The following CACNA2D3 variants were observed in gnomAD, a reference collection of about 807,000 sequenced individuals.
CACNA2D3 encodes the protein calcium voltage-gated channel auxiliary subunit alpha2delta 3.
CACNA2D3 carries 60 observed loss-of-function variants against 160.6 expected under a neutral mutation model. The ratio of observed to expected loss-of-function variants is 0.37; its 90% CI spans 0.30 to 0.46. The LOEUF is 0.46. CACNA2D3 is among the 20% of genes least tolerant of loss of function. The probability of loss-of-function intolerance (pLI) is 1.00; values close to 1 mark genes in which losing one functional copy is unlikely to be tolerated. For synonymous variants in CACNA2D3, 558 were observed against 492.9 expected (o/e 1.13, Z -1.75); for missense variants, 1,205 against 1,365.0 (o/e 0.88, Z 1.85).
At chr3:54,174,624 G>A (rs1369961233) in intron 2 of CACNA2D3, among the ~76,000 whole-genome samples, 4 of 152,024 alleles carry the variant, frequency 2.6e-5, no homozygotes, top group Non-Finnish European at 4.4e-5. Flanking sequence ...TCCCGGGTTC[G>A]CGCCATTCTC....
At chr3:54,456,348 T>C (rs1700396033) in intron 4 of CACNA2D3, among the ~76,000 whole-genome samples, 2 of 152,122 alleles carry the variant, frequency 1.3e-5, no homozygotes, top group South Asian at 4.1e-4. Flanking sequence ...TCTTGATTTC[T>C]TTTTTAGCTA....
intron 35 of CACNA2D3, among the ~76,000 whole-genome samples, chr3:55,051,961 G>A (rs956924143): frequency 3.9e-5 from 6 of 152,078 alleles, no homozygotes; most frequent in African/African-American, 1.4e-4. Context: ...GCCCTGCTTC[G>A]CCTCGTGCAC....
rs564058254 is a variant in CACNA2D3 at position 54,984,679 on chromosome 3, A to C, written c.2619+9A>C. On this transcript the variant is annotated intron_variant, in intron 30 of 37. Transcript: ENST00000474759. ...CTGAAGACTACACACAGGTGAGTGA[A>C]AATTTTCTACCAGCTCCAAGTAAGG... 3 of 1,537,800 alleles carry C rather than the reference A, an allele frequency of 2.0e-6. No individual in the cohort carries two copies. Among genetic ancestry groups the C allele is most frequent in the Non-Finnish European group, 2.7e-6 (3 of 1,130,534 alleles).
rs550238571 is a variant in CACNA2D3 at position 54,655,456 on chromosome 3, T to C, written c.1167+13215T>C. ...ACTCGCATTGTTAAAATCCGTCTGC[T>C]GTAGTTAAAACATAGTTGTACTGGA... On this transcript the variant is annotated intron_variant, in intron 11 of 37. Transcript: ENST00000474759. Among the ~76,000 whole-genome samples the C allele has an allele frequency of 3.2e-3, 494 of 152,360 alleles. 1 individual carries two copies. Among genetic ancestry groups the C allele is most frequent in the Non-Finnish European group, 6.0e-3 (405 of 68,034 alleles).
intron 27 of CACNA2D3, among the ~76,000 whole-genome samples, chr3:54,959,567 A>G (rs1463388740): frequency 6.6e-6 from 1 of 152,146 alleles, no homozygotes; most frequent in East Asian, 1.9e-4. Flanking sequence ...CAATTTTGTT[A>G]TGGTCTCTTT....
chr3:54,364,479 C>T (rs577325938), intron 3 of CACNA2D3, among the ~76,000 whole-genome samples: 17 of 152,260 alleles, frequency 1.1e-4, no homozygotes, highest in African/African-American at 2.6e-4. Context: ...AAATGATGGA[C>T]GGCAATTTTA....
At chr3:54,726,689 G>T (rs565299094) in intron 11 of CACNA2D3, among the ~76,000 whole-genome samples, 2 of 152,314 alleles carry the variant, frequency 1.3e-5, no homozygotes, top group South Asian at 2.1e-4. Context: ...AATAAATGTT[G>T]TTGGTAAAAC....
At chr3:54,555,675 C>A (rs1396261357) in intron 5 of CACNA2D3, among the ~76,000 whole-genome samples, 1 of 152,132 alleles carries the variant, frequency 6.6e-6, no homozygotes, top group Non-Finnish European at 1.5e-5. Flanking sequence ...CTGATAGATT[C>A]TTGACTGGCA....
At chr3:54,896,960 T>C in intron 26 of CACNA2D3, 90 bp downstream of exon 26, 1 of 1,545,788 alleles carries the variant, frequency 6.5e-7, no homozygotes, top group South Asian at 1.1e-5. Flanking sequence ...GCCTGAATGC[T>C]GAAAGGAACC....
intron 11 of CACNA2D3, among the ~76,000 whole-genome samples, chr3:54,673,616 A>T (rs1317409667): frequency 6.6e-6 from 1 of 152,054 alleles, no homozygotes; most frequent in African/African-American, 2.4e-5. Context: ...CAAAAATGAA[A>T]CTCCTTTCAG....
intron 2 of CACNA2D3, among the ~76,000 whole-genome samples, chr3:54,256,313 T>C (rs76176367): frequency 0.013 from 2,006 of 152,320 alleles, 37 homozygotes; most frequent in African/African-American, 0.045. Flanking sequence ...ATTATTGGAA[T>C]GCTAAGCATA....
At chr3:54,875,004 C>T (rs1699625232) in intron 18 of CACNA2D3, 1 of 152,028 alleles carries the variant, frequency 6.6e-6, no homozygotes, top group Non-Finnish European at 1.5e-5. Flanking sequence ...TGGTAAAAGC[C>T]TTTTTTCCCC....
chr3:55,043,428 C>CATAT (rs111261584), intron 35 of CACNA2D3, among the ~76,000 whole-genome samples: 2 of 149,958 alleles, frequency 1.3e-5, no homozygotes, highest in African/African-American at 4.9e-5. Context: ...AGATTCTTTT[C>CATAT]ATGTAATTCC....
intron 35 of CACNA2D3, among the ~76,000 whole-genome samples, chr3:55,019,590 C>T: frequency 6.6e-6 from 1 of 152,062 alleles, no homozygotes; most frequent in East Asian, 1.9e-4. Flanking sequence ...GAACATATCA[C>T]TGATTTCTGT....
At chr3:54,205,391 C>T (rs530439073) in intron 2 of CACNA2D3, among the ~76,000 whole-genome samples, 21 of 152,260 alleles carry the variant, frequency 1.4e-4, no homozygotes, top group African/African-American at 4.8e-4. Context: ...CTGCACCCAG[C>T]TGCAAGTGAA....
intron 4 of CACNA2D3, among the ~76,000 whole-genome samples, chr3:54,403,350 A>G (rs1575436355): frequency 7.7e-6 from 1 of 129,108 alleles, no homozygotes; most frequent in Non-Finnish European, 1.6e-5. Context: ...GCCGGACCCT[A>G]TCTCAAACAC....
At position 54,899,872 on chromosome 3, in the gene CACNA2D3, A is replaced by C; in HGVS notation, c.2449+4A>C. 6.3e-7 allele frequency: 1 copy of C among 1,585,578 alleles called. No homozygotes were observed. The highest frequency in any genetic ancestry group is 8.6e-7 in the Non-Finnish European group (1 of 1,162,800). On this transcript the variant is annotated splice_donor_region_variant and intron_variant, in intron 27 of 37. Coordinates refer to ENST00000474759, the MANE Select transcript of CACNA2D3 (RefSeq NM_018398.3). ...CGGAAATCTCCTGTGGTGGCAGGTA[A>C]ATAATTGATTGAATCCATGAAGACA...
intron 3 of CACNA2D3, among the ~76,000 whole-genome samples, chr3:54,375,178 G>A (rs1698990680): frequency 6.6e-6 from 1 of 152,112 alleles, no homozygotes; most frequent in African/African-American, 2.4e-5. Flanking sequence ...CTCCCTTGGT[G>A]GTATGTAGGA....
chr3:54,186,152 G>A (rs1700875261), intron 2 of CACNA2D3, among the ~76,000 whole-genome samples: 1 of 152,168 alleles, frequency 6.6e-6, no homozygotes, highest in African/African-American at 2.4e-5. Flanking sequence ...ATGAGGGTGA[G>A]GATGGTGTAC....
Sources: allele counts gnomAD v4.1 joint callset (sites outside exome capture counted in the v4.1 genomes callset), GRCh38; gene constraint gnomAD v4.1.1; transcripts MANE v1.5; gene names NCBI Gene and HGNC (gene_info 2026-07-23, HGNC 2026-07-21).